HMGCL: variants seen among roughly 807,000 people sequenced by gnomAD.
HMGCL encodes the protein hydroxymethylglutaryl-CoA lyase, mitochondrial.
In HMGCL, 26 loss-of-function variants were observed where a neutral mutation model predicts 37.3. The observed-to-expected ratio is 0.70, with a 90% CI of 0.51 to 0.97. The LOEUF (loss-of-function observed/expected upper bound fraction) is 0.97. HMGCL is among the 50% of genes least tolerant of loss of function. The pLI, the probability that HMGCL is intolerant of heterozygous loss-of-function variation, is 0.00. For synonymous variants in HMGCL, 151 were observed against 148.0 expected, an observed-to-expected ratio of 1.02 and a Z score of -0.15; for missense variants, 379 against 398.1, an observed-to-expected ratio of 0.95 and a Z score of 0.41.
chr1:23,822,530 G>C (rs143946968), intron 1 of HMGCL, among the ~76,000 whole-genome samples: 31 of 152,142 alleles, frequency 2.0e-4, no homozygotes, highest in Admixed American at 2.0e-4. Context: ...TGTGTGATCC[G>C]CTAAGGATCT....
At chr1:23,811,359 G>A (rs1638516976) in intron 5 of HMGCL, among the ~76,000 whole-genome samples, 1 of 152,212 alleles carries the variant, frequency 6.6e-6, no homozygotes, top group African/African-American at 2.4e-5. Context: ...ACAGAGCAGT[G>A]GGCAAGACTG....
At chr1:23,825,331 C>T (rs1256276532) in intron 1 of HMGCL, 25 bp downstream of exon 1, 4 of 1,546,846 alleles carry the variant, frequency 2.6e-6, no homozygotes, top group Admixed American at 3.9e-5. Flanking sequence ...GCAGGGCCGC[C>T]GCCTCGGCGG....
At chr1:23,803,262 C>T (rs987146702) in intron 8 of HMGCL, among the ~76,000 whole-genome samples, 1 of 151,100 alleles carries the variant, frequency 6.6e-6, no homozygotes, top group Admixed American at 6.6e-5. Context: ...AGTACAGTGG[C>T]GTGATCTTGG....
intron 5 of HMGCL, chr1:23,813,961 C>T (rs1220183904): frequency 1.2e-5 from 7 of 566,596 alleles, no homozygotes; most frequent in East Asian, 3.2e-5. Flanking sequence ...GGACTACAGG[C>T]GCATGCTATC....
intron 3 of HMGCL, 106 bp downstream of exon 3, chr1:23,817,370 A>C (rs1570652221): frequency 1.4e-6 from 1 of 725,642 alleles, no homozygotes; most frequent in East Asian, 2.5e-5. Context: ...GACCTCTCAA[A>C]GCCAGGGGCT....
At chr1:23,821,525 G>A (rs1292154729) in intron 1 of HMGCL, among the ~76,000 whole-genome samples, 3 of 151,972 alleles carry the variant, frequency 2.0e-5, no homozygotes, top group Non-Finnish European at 2.9e-5. Flanking sequence ...CAGGTGTGGT[G>A]GAATGGACAT....
intron 1 of HMGCL, 114 bp from the exon 2 acceptor site, chr1:23,820,707 T>C: frequency 2.6e-6 from 2 of 762,768 alleles, no homozygotes; most frequent in South Asian, 2.9e-5. Flanking sequence ...AGAAGAAATA[T>C]TTCTCACCAT....
At position 23,814,177 on chromosome 1, in the gene HMGCL, T is replaced by C. The variant is rs1217727024; in HGVS notation, c.497+13A>G. ...CGGTACAGAGGAAAGGATACCAATGTGCTCTGACTCACCCCCGCACAGAAA... is the reference window on the plus strand; with the variant it reads ...CGGTACAGAGGAAAGGATACCAATGCGCTCTGACTCACCCCCGCACAGAAA... On this transcript the variant is annotated intron_variant, in intron 5 of 8. Coordinates refer to ENST00000374490, the MANE Select transcript of HMGCL (RefSeq NM_000191.3). 1 of 1,613,096 alleles carries C rather than the reference T, an allele frequency of 6.2e-7. No individual in the cohort carries two copies. Among genetic ancestry groups the C allele is most frequent in the African/African-American group, 1.3e-5 (1 of 74,880 alleles).
chr1:23,806,753 G>C lies in HMGCL; in HGVS notation c.750+1382C>G. The stretch of plus-strand genomic sequence containing the variant: ...GGGCAGAGACTCTGTTTTGGTCACA[G>C]CTGAATCCTTAATGCTGAGAACAGT... On this transcript the variant is annotated intron_variant, in intron 7 of 8. Transcript: ENST00000374490. The surrounding 1 kb of genome is among the most constrained non-coding windows in gnomAD (Gnocchi z 4.0). The C allele has an allele frequency of 2.8e-6, 1 of 357,474 alleles. No individual in the cohort carries two copies. The highest frequency in any genetic ancestry group is 5.5e-6 in the Non-Finnish European group (1 of 181,778). The allele number at this position is 357,474 out of a possible 1,614,324, so 22.1% of individuals were successfully genotyped here. A position where few individuals can be genotyped will look rare whatever the true frequency, so the allele number is the denominator to read the frequency against.
intron 5 of HMGCL, 24 bp downstream of exon 5, chr1:23,814,166 G>C (rs115948624): frequency 6.2e-7 from 1 of 1,612,314 alleles, no homozygotes; most frequent in Non-Finnish European, 8.5e-7. Flanking sequence ...ACAGAGGAAA[G>C]GATACCAATG....
chr1:23,823,760 G>A (rs1638765371), intron 1 of HMGCL, among the ~76,000 whole-genome samples: 1 of 152,010 alleles, frequency 6.6e-6, no homozygotes, highest in Non-Finnish European at 1.5e-5. Flanking sequence ...TTGGGAGGCT[G>A]AGGCAGAAGA....
At chr1:23,819,210 G>C (rs1638669131) in intron 2 of HMGCL, among the ~76,000 whole-genome samples, 1 of 151,848 alleles carries the variant, frequency 6.6e-6, no homozygotes, top group Non-Finnish European at 1.5e-5. Flanking sequence ...GTCACATGTG[G>C]TTATTTAAAT....
chr1:23,821,719 G>T (rs1386109204), intron 1 of HMGCL, among the ~76,000 whole-genome samples: 1 of 151,984 alleles, frequency 6.6e-6, no homozygotes, highest in Non-Finnish European at 1.5e-5. Context: ...GAAAAGAAAA[G>T]ACTGTATGAG....
intron 2 of HMGCL, among the ~76,000 whole-genome samples, chr1:23,818,071 C>G (rs906744074): frequency 4.6e-5 from 7 of 152,190 alleles, no homozygotes; most frequent in African/African-American, 1.7e-4. Flanking sequence ...ACACAGGAAT[C>G]CTCCTAAAAT....
At chr1:23,823,116 C>T (rs370326139) in intron 1 of HMGCL, among the ~76,000 whole-genome samples, 43 of 137,896 alleles carry the variant, frequency 3.1e-4, no homozygotes, top group Non-Finnish European at 4.7e-4. Flanking sequence ...GAGGAGGTTG[C>T]AGTGAGCTGA....
chr1:23,808,226 GC>G lies in HMGCL; in HGVS notation c.658del (p.Ala220LeufsTer27). The G allele has an allele frequency of 6.2e-7, 1 of 1,613,890 alleles. No individual in the cohort carries two copies. The highest frequency in any genetic ancestry group is 8.5e-7 in the Non-Finnish European group (1 of 1,179,832). ...AGCCAGAGGCACTTCCTGCATGACA[GC>G]AGATAGCATGTCTTTCATGATCCCT... is the stretch of plus-strand genomic sequence containing the variant. ...TPGIMKDMLS[A>X]VMQEVPLAAL... On this transcript the variant is annotated frameshift_variant, in exon 7 of 9. Transcript: ENST00000374490. LOFTEE classifies it high-confidence loss of function.
Position 23,814,268 on chromosome 1 carries a change from T to C in HMGCL, c.419A>G (p.Asn140Ser), listed in dbSNP as rs148032473. Residue 140 changes from asparagine (N) to serine (S), a missense_variant, in exon 5 of 9, where the codon AAT (asparagine) becomes AGT (serine). Physicochemically the swap from Asn to Ser is conservative, Grantham distance 46. Coordinates refer to ENST00000374490, the MANE Select transcript of HMGCL (RefSeq NM_000191.3). ...CTGAAAACTCTCCTCTATGGAACAA[T>C]TGATGTTCTTCTTGGTGAAGAGCTC... is the stretch of plus-strand genomic sequence containing the variant. ...ASELFTKKNINCSIEESFQRF... is the reference protein window; with the variant it reads ...ASELFTKKNISCSIEESFQRF... 2.8e-5 allele frequency: 45 copies of C among 1,614,048 alleles called. No individual in the cohort carries two copies. In the African/African-American group the frequency reaches 3.7e-4, roughly 13 times the overall value.
intron 8 of HMGCL, 115 bp downstream of exon 8, chr1:23,804,285 C>T: frequency 7.7e-7 from 1 of 1,306,096 alleles, no homozygotes; most frequent in Non-Finnish European, 1.1e-6. Flanking sequence ...TAACCCTTTC[C>T]CTCTTTACTC....
At chr1:23,823,252 A>G (rs898246748) in intron 1 of HMGCL, among the ~76,000 whole-genome samples, 2 of 151,686 alleles carry the variant, frequency 1.3e-5, no homozygotes, top group Non-Finnish European at 2.9e-5. Context: ...TATAAACTCA[A>G]TTCCACTTCC....
Sources: gnomAD v4.1 joint callset for allele counts (sites outside exome capture counted in the v4.1 genomes callset) on GRCh38, gnomAD v4.1.1 for gene constraint, Gnocchi (gnomAD v3.1) non-coding constraint, MANE v1.5 for transcripts, NCBI Gene and HGNC (gene_info 2026-07-23, HGNC 2026-07-21) for gene names.